KCNC2: variants seen among roughly 807,000 people sequenced by gnomAD.
KCNC2 encodes the protein voltage-gated potassium channel KCNC2.
KCNC2 carries 21 observed loss-of-function variants against 44.5 expected under a neutral mutation model. The observed-to-expected ratio is 0.47, with a 90% CI of 0.33 to 0.68. The LOEUF (loss-of-function observed/expected upper bound fraction) is 0.68. Ranked by LOEUF, KCNC2 falls within the 30% of genes least tolerant of loss-of-function variation. KCNC2 has a pLI of 0.01. For missense variants in KCNC2, 589 were observed against 826.2 expected (o/e 0.71, Z 3.52); for synonymous variants, 391 against 339.1 (o/e 1.15, Z -1.68).
rs866885840 is a variant in KCNC2, at chr12:75,174,789, C to G, written c.687+32508G>C. Among the ~76,000 whole-genome samples, 6 of 151,994 alleles carry G rather than the reference C, an allele frequency of 3.9e-5. No individual in the cohort carries two copies. The Middle Eastern group carries it at 0.01, about 258-fold the overall frequency. On this transcript the variant is annotated intron_variant, in intron 2 of 4. Coordinates refer to ENST00000549446, the MANE Select transcript of KCNC2 (RefSeq NM_139137.4). ...TACAAAATAGACTCAAAAGAAGTCT[C>G]CCATTAGAGTTGCCAACATATTTCA...
chr12:75,043,658 T>A, intron 4 of KCNC2: 1 of 1,300,142 alleles, frequency 7.7e-7, no homozygotes, highest in Non-Finnish European at 9.9e-7. Flanking sequence ...CATTTTTTAT[T>A]TCCTAAGCCA....
intron 2 of KCNC2, among the ~76,000 whole-genome samples, chr12:75,061,569 AC>A (rs1283519273): frequency 7.8e-3 from 6 of 768 alleles, no homozygotes; most frequent in Admixed American, 0.042. Context: ...TGACAAGTAC[AC>A]ACACACACAC....
At chr12:75,144,849 A>T (rs1889904851) in intron 2 of KCNC2, among the ~76,000 whole-genome samples, 1 of 152,088 alleles carries the variant, frequency 6.6e-6, no homozygotes, top group African/African-American at 2.4e-5. Flanking sequence ...ACATTATATC[A>T]CCAAGACTCA....
At chr12:75,165,995 A>G (rs920439783) in intron 2 of KCNC2, among the ~76,000 whole-genome samples, 1 of 151,428 alleles carries the variant, frequency 6.6e-6, no homozygotes, top group Admixed American at 6.6e-5. Context: ...AAAGAATGAC[A>G]TAATTCAACT....
rs184434522 is a variant in KCNC2, at chr12:75,162,472, T to C, written c.687+44825A>G. 1.1e-4 allele frequency among the ~76,000 whole-genome samples: 17 copies of C among 151,876 alleles called. 1 individual carries two copies. In the East Asian group the frequency reaches 3.3e-3, roughly 30 times the overall value. On this transcript the variant is annotated intron_variant, in intron 2 of 4. Coordinates refer to ENST00000549446, the MANE Select transcript of KCNC2 (RefSeq NM_139137.4). ...AACACACAACATGGCACCTGATAGATATGGCTTTGGGATTAATAGATTACA... is the reference window on the plus strand; with the variant it reads ...AACACACAACATGGCACCTGATAGACATGGCTTTGGGATTAATAGATTACA...
intron 2 of KCNC2, among the ~76,000 whole-genome samples, chr12:75,174,170 C>T (rs781112629): frequency 5.3e-5 from 8 of 150,958 alleles, no homozygotes; most frequent in Non-Finnish European, 1.0e-4. Context: ...AATTTACAAT[C>T]ACGGTGTATT....
At chr12:75,169,431 G>T (rs762874785) in intron 2 of KCNC2, among the ~76,000 whole-genome samples, 7 of 151,468 alleles carry the variant, frequency 4.6e-5, no homozygotes, top group Non-Finnish European at 1.0e-4. Flanking sequence ...TGTCATTTAA[G>T]TGTGCAAAAT....
At chr12:75,094,058 C>T (rs896453593) in intron 2 of KCNC2, among the ~76,000 whole-genome samples, 75 of 151,616 alleles carry the variant, frequency 4.9e-4, no homozygotes, top group African/African-American at 1.8e-3. Flanking sequence ...AAGGCAAATT[C>T]TTGCTTCCCC....
intron 2 of KCNC2, among the ~76,000 whole-genome samples, chr12:75,153,145 C>A (rs1380651518): frequency 1.3e-5 from 2 of 151,860 alleles, no homozygotes; most frequent in African/African-American, 4.8e-5. Context: ...TTTAGGATTG[C>A]CATTTGGAAT....
In KCNC2 at chr12:75,041,101, G is replaced by T. The variant is rs752743695; in HGVS notation, c.*2004C>A. The T allele has an allele frequency of 6.3e-7, 1 of 1,595,998 alleles. No homozygotes were observed. The highest frequency in any genetic ancestry group is 8.5e-7 in the Non-Finnish European group (1 of 1,178,204). ...TCCAAGTGCAACCTGGTCACATCAG[G>T]GCACATTCAGCAGCAGAAGTCTGTT... On this transcript the variant is annotated 3_prime_UTR_variant, in exon 5 of 5. Coordinates refer to ENST00000549446, the MANE Select transcript of KCNC2 (RefSeq NM_139137.4).
chr12:75,067,451 G>T (rs75632870), intron 2 of KCNC2, among the ~76,000 whole-genome samples: 5,105 of 152,140 alleles, frequency 0.034, 283 homozygotes, highest in African/African-American at 0.12. Flanking sequence ...ACCCATGATA[G>T]ACCAGTGAAC....
Position 75,040,692 on chromosome 12 carries a change from C to G in KCNC2, c.*2413G>C, listed in dbSNP as rs1305276326. On this transcript the variant is annotated 3_prime_UTR_variant, in exon 5 of 5. Transcript: ENST00000549446. ...CACAACATAATTGACAAGCTGATTA[C>G]ATCAGTAATTTATAAGAAAATTATA... 6.1e-6 allele frequency: 1 copy of G among 163,980 alleles called. No homozygotes were observed. Among genetic ancestry groups the G allele is most frequent in the Non-Finnish European group, 1.3e-5 (1 of 74,546 alleles). The allele number at this position is 163,980 out of a possible 1,614,324, so 10.2% of individuals were successfully genotyped here.
At chr12:75,100,461 T>C (rs1565854367) in intron 2 of KCNC2, among the ~76,000 whole-genome samples, 1 of 152,022 alleles carries the variant, frequency 6.6e-6, no homozygotes, top group Non-Finnish European at 1.5e-5. Context: ...TTTTATTGGA[T>C]GACAAATGAA....
At position 75,048,149 on chromosome 12, in the gene KCNC2, C is replaced by T. The variant is rs1179072261; in HGVS notation, c.1780+4G>A. 1 of 1,611,892 alleles carries T rather than the reference C, an allele frequency of 6.2e-7. No individual in the cohort carries two copies. Among genetic ancestry groups the T allele is most frequent in the Admixed American group, 1.7e-5 (1 of 59,836 alleles). ...TGTTATGATCTGATTAAATGCATGC[C>T]TACCTTTCCTGATCCCTCCATCAGA... On this transcript the variant is annotated splice_donor_region_variant and intron_variant, in intron 4 of 4. Coordinates refer to ENST00000549446, the MANE Select transcript of KCNC2 (RefSeq NM_139137.4).
chr12:75,149,325 C>T (rs1890233456), intron 2 of KCNC2, among the ~76,000 whole-genome samples: 1 of 151,754 alleles, frequency 6.6e-6, no homozygotes, highest in Non-Finnish European at 1.5e-5. Context: ...CCACAAATTT[C>T]CATTCATGAA....
At chr12:75,067,565 T>C (rs1397862943) in intron 2 of KCNC2, among the ~76,000 whole-genome samples, 2 of 152,188 alleles carry the variant, frequency 1.3e-5, no homozygotes, top group African/African-American at 4.8e-5. Context: ...TGAACTCTAC[T>C]TACTTTTTAA....
chr12:75,049,609 A>C (rs375075890), intron 3 of KCNC2, among the ~76,000 whole-genome samples: 3 of 152,194 alleles, frequency 2.0e-5, no homozygotes, highest in African/African-American at 7.2e-5. Flanking sequence ...CAAGCAGTAA[A>C]TCATTCAAAA....
intron 4 of KCNC2, chr12:75,044,911 G>A (rs998583981): frequency 6.6e-6 from 1 of 151,930 alleles, no homozygotes; most frequent in Admixed American, 6.6e-5. Context: ...TTATGTTGGT[G>A]AATGATGGAA....
At chr12:75,092,190 C>G (rs1885541746) in intron 2 of KCNC2, among the ~76,000 whole-genome samples, 1 of 151,572 alleles carries the variant, frequency 6.6e-6, no homozygotes, top group African/African-American at 2.4e-5. Flanking sequence ...TTTAAGAACA[C>G]TGCACTTAAG....
Sources: allele counts gnomAD v4.1 joint callset (sites outside exome capture counted in the v4.1 genomes callset), GRCh38; gene constraint gnomAD v4.1.1; transcripts MANE v1.5; gene names NCBI Gene and HGNC (gene_info 2026-07-23, HGNC 2026-07-21).